The following PAM variants were observed in gnomAD, a reference collection of about 807,000 sequenced individuals.
PAM encodes peptidylglycine alpha-amidating monooxygenase.
In PAM, 72 loss-of-function variants were observed where a neutral mutation model predicts 122.1. The ratio of observed to expected loss-of-function variants is 0.59; its 90% CI spans 0.49 to 0.72. The LOEUF (loss-of-function observed/expected upper bound fraction) is 0.72. Ranked by LOEUF, PAM falls within the 30% of genes least tolerant of loss-of-function variation. The pLI is 0.00. For missense variants in PAM, 1,106 were observed against 1,183.7 expected (o/e 0.93, Z 0.96); for synonymous variants, 389 against 404.4 (o/e 0.96, Z 0.46).
rs1188682182 is a variant in PAM at position 102,961,214 on chromosome 5, GAAGT to G, written c.1148_1151del (p.Glu383GlyfsTer2). 6.4e-7 allele frequency: 1 copy of G among 1,568,620 alleles called. No homozygotes were observed. The highest frequency in any genetic ancestry group is 8.8e-7 in the Non-Finnish European group (1 of 1,139,482). On this transcript the variant is annotated frameshift_variant, in exon 14 of 26. Transcript: ENST00000438793. LOFTEE classifies it high-confidence loss of function. ...ACAGCAGCCAAAACGAGAAGAAGAA[GAAGT>G]GTTAGACCAGGGTATGTATGCTTAT...
intron 16 of PAM, among the ~76,000 whole-genome samples, chr5:102,991,486 G>A (rs1360337923): frequency 2.0e-5 from 3 of 151,834 alleles, no homozygotes; most frequent in Non-Finnish European, 4.4e-5. Context: ...TTGGAAAATC[G>A]AGGATCTACA....
intron 21 of PAM, among the ~76,000 whole-genome samples, chr5:103,014,216 A>T (rs544783641): frequency 6.6e-6 from 1 of 152,310 alleles, no homozygotes; most frequent in East Asian, 1.9e-4. Context: ...TTAAATATGC[A>T]TCTAGAAATA....
intron 3 of PAM, among the ~76,000 whole-genome samples, chr5:102,870,428 GC>G (rs1038020183): frequency 3.9e-5 from 6 of 152,072 alleles, no homozygotes; most frequent in Admixed American, 3.9e-4. Flanking sequence ...TGGAATACAA[GC>G]CTAGATTAGT....
intron 1 of PAM, among the ~76,000 whole-genome samples, chr5:102,854,012 G>A (rs1052311933): frequency 5.3e-5 from 8 of 152,162 alleles, no homozygotes; most frequent in Non-Finnish European, 1.0e-4. Flanking sequence ...CCTCTATCAA[G>A]TTGGTAGATC....
At chr5:102,882,131 A>G (rs1581275385) in intron 3 of PAM, among the ~76,000 whole-genome samples, 1 of 112,424 alleles carries the variant, frequency 8.9e-6, no homozygotes, top group Non-Finnish European at 1.8e-5. Flanking sequence ...TTCTTTATCC[A>G]CTCATTGTTG....
chr5:102,756,638 C>T (rs572309304), intron 1 of PAM, among the ~76,000 whole-genome samples: 2 of 152,174 alleles, frequency 1.3e-5, no homozygotes, highest in Admixed American at 6.5e-5. Context: ...TAGTTCATGC[C>T]ATTCTAGTTA....
chr5:102,832,543 C>T (rs1395445786), intron 1 of PAM, among the ~76,000 whole-genome samples: 2 of 151,912 alleles, frequency 1.3e-5, no homozygotes, highest in South Asian at 2.1e-4. Context: ...ACAACAATAA[C>T]AATAAAATAG....
At chr5:102,798,521 G>A (rs1022136820) in intron 1 of PAM, among the ~76,000 whole-genome samples, 10 of 152,124 alleles carry the variant, frequency 6.6e-5, no homozygotes, top group East Asian at 1.9e-4. Flanking sequence ...AAATTCTCCC[G>A]CATCAAAGTA....
intron 16 of PAM, among the ~76,000 whole-genome samples, chr5:102,994,862 C>G (rs1775189806): frequency 6.6e-6 from 1 of 152,036 alleles, no homozygotes; most frequent in Non-Finnish European, 1.5e-5. Context: ...GATAAGCATG[C>G]CTTTTATATC....
intron 7 of PAM, among the ~76,000 whole-genome samples, chr5:102,931,805 A>ACTCTCTCTCTCTCTCTCTCTCTCTCT (rs879417466): frequency 9.3e-5 from 13 of 140,394 alleles, no homozygotes; most frequent in African/African-American, 3.1e-4. Flanking sequence ...AACAAACAAC[A>ACTCTCTCTCTCTCTCTCTCTCTCTCT]CACTCTCTCT....
intron 15 of PAM, chr5:102,987,399 G>C (rs191362605): frequency 7.0e-5 from 24 of 342,130 alleles, no homozygotes; most frequent in Admixed American, 1.6e-4. Context: ...AGATTCAGGG[G>C]AATGGAGACA....
chr5:102,902,093 G>C (rs1460613525), intron 4 of PAM, among the ~76,000 whole-genome samples: 2 of 151,530 alleles, frequency 1.3e-5, no homozygotes, highest in East Asian at 3.9e-4. Flanking sequence ...GCTGTGATTG[G>C]CAAATTATTC....
chr5:102,904,490 C>A (rs1798945554), intron 4 of PAM, among the ~76,000 whole-genome samples: 4 of 151,454 alleles, frequency 2.6e-5, no homozygotes, highest in Admixed American at 1.3e-4. Context: ...AGATAATTTA[C>A]CTTTCTACCT....
At chr5:102,882,108 T>TACAC (rs1205724444) in intron 3 of PAM, among the ~76,000 whole-genome samples, 16 of 102,080 alleles carry the variant, frequency 1.6e-4, no homozygotes, top group African/African-American at 6.4e-4. Flanking sequence ...TATATATATA[T>TACAC]ATACACCACA....
chr5:102,849,057 A>G (rs1327380566), intron 1 of PAM, among the ~76,000 whole-genome samples: 1 of 152,156 alleles, frequency 6.6e-6, no homozygotes, highest in African/African-American at 2.4e-5. Flanking sequence ...GATATCACAA[A>G]TAAACTATAA....
At chr5:102,863,018 T>TTGCTTTGTATTACAAATAAAATAGTAA (rs1561666361) in intron 1 of PAM, among the ~76,000 whole-genome samples, 2 of 151,044 alleles carry the variant, frequency 1.3e-5, no homozygotes, top group African/African-American at 4.9e-5. Flanking sequence ...AAATGAAAAT[T>TTGCTTTGTATTACAAATAAAATAGTAA]AGAGGGAATG....
intron 1 of PAM, among the ~76,000 whole-genome samples, chr5:102,841,445 A>AC (rs1778609832): frequency 6.6e-6 from 1 of 150,650 alleles, no homozygotes; most frequent in African/African-American, 2.5e-5. Flanking sequence ...ACACACACAC[A>AC]AAGTAGTTAT....
At chr5:102,945,262 C>G (rs1381271032) in intron 7 of PAM, among the ~76,000 whole-genome samples, 2 of 151,950 alleles carry the variant, frequency 1.3e-5, no homozygotes, top group African/African-American at 4.8e-5. Flanking sequence ...TCAGTGAGCA[C>G]TTCGTTGAAA....
At chr5:102,764,445 G>A (rs554969007) in intron 1 of PAM, among the ~76,000 whole-genome samples, 2 of 152,058 alleles carry the variant, frequency 1.3e-5, no homozygotes, top group African/African-American at 2.4e-5. Context: ...AGATGAAGTC[G>A]GGGAACTAAC....
Sources: allele counts gnomAD v4.1 joint callset (sites outside exome capture counted in the v4.1 genomes callset), GRCh38; gene constraint gnomAD v4.1.1; transcripts MANE v1.5; gene names NCBI Gene and HGNC (gene_info 2026-07-23, HGNC 2026-07-21).